The following CRK variants were observed in gnomAD, a reference collection of about 807,000 sequenced individuals.
The protein encoded by CRK is CRK proto-oncogene, adaptor protein.
CRK carries 4 observed loss-of-function variants against 29.8 expected under a neutral mutation model. The observed-to-expected ratio is 0.13, with a 90% CI of 0.07 to 0.31. The LOEUF is 0.31. Among genes scored for constraint, CRK ranks in the 10% least tolerant of loss-of-function variants. The pLI is 1.00. For missense variants in CRK, 274 were observed against 396.5 expected, an observed-to-expected ratio of 0.69 and a Z score of 2.62; for synonymous variants, 153 against 164.9, an observed-to-expected ratio of 0.93 and a Z score of 0.55.
intron 1 of CRK, among the ~76,000 whole-genome samples, chr17:1,438,045 G>A (rs1009118102): frequency 1.3e-5 from 2 of 152,034 alleles, no homozygotes; most frequent in Non-Finnish European, 2.9e-5. Flanking sequence ...AAGGTGGAGA[G>A]AGCTTGTGTC....
intron 1 of CRK, among the ~76,000 whole-genome samples, chr17:1,437,603 T>C (rs1598299042): frequency 6.6e-6 from 1 of 151,762 alleles, no homozygotes; most frequent in Non-Finnish European, 1.5e-5. Flanking sequence ...TCTCCAAATA[T>C]GTTCTGTCGC....
At chr17:1,433,569 A>G (rs2073863715) in intron 2 of CRK, among the ~76,000 whole-genome samples, 1 of 130,692 alleles carries the variant, frequency 7.7e-6, no homozygotes, top group East Asian at 2.2e-4. Flanking sequence ...CCCAGGCTGA[A>G]GTGCTATGGC....
rs1375340014 is a variant in CRK at position 1,437,693 on chromosome 17, G to A, written c.242-538C>T. Among the ~76,000 whole-genome samples, 6 of 150,530 alleles carry A rather than the reference G, an allele frequency of 4.0e-5. No individual in the cohort carries two copies. In the Admixed American group the frequency reaches 4.0e-4, roughly 10 times the overall value. ...TTTTGAGACCAAATCTCACTGTGTC[G>A]CCCAGGCTGGAGTGTAGTGGCGTGA... On this transcript the variant is annotated intron_variant, in intron 1 of 2. Transcript: ENST00000300574.
chr17:1,434,462 C>T (rs2073872224), intron 2 of CRK, among the ~76,000 whole-genome samples: 1 of 152,144 alleles, frequency 6.6e-6, no homozygotes, highest in African/African-American at 2.4e-5. Flanking sequence ...ACACATAGTA[C>T]ATATGTTTTA....
chr17:1,430,353 CTGATTA>C (rs1267106467), intron 2 of CRK, among the ~76,000 whole-genome samples: 1 of 149,618 alleles, frequency 6.7e-6, no homozygotes, highest in Non-Finnish European at 1.5e-5. Context: ...TGGGCTCATT[CTGATTA>C]TTAGTATTAT....
At chr17:1,451,356 C>T (rs559251474) in intron 1 of CRK, among the ~76,000 whole-genome samples, 31 of 151,794 alleles carry the variant, frequency 2.0e-4, no homozygotes, top group South Asian at 2.1e-4. Flanking sequence ...TTAGCCTCTC[C>T]AGCAGCTAGG....
rs2073834245 is a variant in CRK at position 1,430,618 on chromosome 17, G to GC, written c.777+6001dup. ...CTGACCTCGTGATCCGCCCGCCTTG[G>GC]CCTCCCAAAGTGCTGGGATTACAGG... On this transcript the variant is annotated intron_variant, in intron 2 of 2. Coordinates refer to ENST00000300574, the MANE Select transcript of CRK (RefSeq NM_016823.4). Among the ~76,000 whole-genome samples, 3 of 137,472 alleles carry GC rather than the reference G, an allele frequency of 2.2e-5. No individual in the cohort carries two copies. In the South Asian group the frequency reaches 7.2e-4, roughly 33 times the overall value. The allele number at this position is 137,472 out of a possible 152,430, so 90.2% of individuals were successfully genotyped here.
chr17:1,450,808 C>A (rs1425844661), intron 1 of CRK, among the ~76,000 whole-genome samples: 1 of 152,090 alleles, frequency 6.6e-6, no homozygotes, highest in Non-Finnish European at 1.5e-5. Flanking sequence ...ACTGCTTGAA[C>A]CCAGGAGGTG....
At chr17:1,430,118 C>T (rs2073824625) in intron 2 of CRK, among the ~76,000 whole-genome samples, 1 of 151,206 alleles carries the variant, frequency 6.6e-6, no homozygotes, top group Admixed American at 6.6e-5. Context: ...AATCTCAGCT[C>T]ACTGCAACCT....
At position 1,422,046 on chromosome 17, in the gene CRK, A is replaced by G. The variant is rs562786491; in HGVS notation, c.*1467T>C. 1.8e-4 allele frequency: 28 copies of G among 152,272 alleles called. No individual in the cohort carries two copies. Among genetic ancestry groups the G allele is most frequent in the African/African-American group, 6.5e-4 (27 of 41,582 alleles). 9.4% of individuals were successfully genotyped at this position (152,272 alleles called of 1,614,324 possible). A position where few individuals can be genotyped will look rare whatever the true frequency, so the allele number is the denominator to read the frequency against. ...AAACTAAACCTGAACATAAACAAAG[A>G]GCCAAAAATGAAGGCAGTTTACAAT... is the stretch of plus-strand genomic sequence containing the variant. On this transcript the variant is annotated 3_prime_UTR_variant, in exon 3 of 3. Coordinates refer to ENST00000300574, the MANE Select transcript of CRK (RefSeq NM_016823.4).
intron 1 of CRK, among the ~76,000 whole-genome samples, chr17:1,450,251 G>C (rs1180175798): frequency 6.6e-6 from 1 of 152,150 alleles, no homozygotes; most frequent in African/African-American, 2.4e-5. Flanking sequence ...GCTCAGGCCT[G>C]TAATCCCAGC....
intron 2 of CRK, among the ~76,000 whole-genome samples, chr17:1,432,388 T>G (rs1375418898): frequency 1.5e-5 from 2 of 134,218 alleles, no homozygotes; most frequent in African/African-American, 5.8e-5. Flanking sequence ...ACCCGGGAGG[T>G]TGAGGCACGA....
At chr17:1,430,833 C>T (rs182564909) in intron 2 of CRK, among the ~76,000 whole-genome samples, 4 of 151,168 alleles carry the variant, frequency 2.6e-5, no homozygotes, top group Non-Finnish European at 4.4e-5. Flanking sequence ...TTTGGGAGGC[C>T]GAGGTGGGTG....
chr17:1,436,397 G>C (rs1487248334), intron 2 of CRK, among the ~76,000 whole-genome samples: 1 of 152,154 alleles, frequency 6.6e-6, no homozygotes. Flanking sequence ...GTGTTTAGTA[G>C]ATCAATTAAG....
chr17:1,444,334 C>T (rs1395404673), intron 1 of CRK, among the ~76,000 whole-genome samples: 1 of 152,120 alleles, frequency 6.6e-6, no homozygotes. Flanking sequence ...TTAGAAACAT[C>T]CTGGCTAACA....
At chr17:1,427,776 C>G (rs1016353355) in intron 2 of CRK, among the ~76,000 whole-genome samples, 5 of 151,602 alleles carry the variant, frequency 3.3e-5, no homozygotes, top group African/African-American at 1.2e-4. Context: ...ACGACAAGCA[C>G]AAGCCACCAT....
intron 2 of CRK, among the ~76,000 whole-genome samples, chr17:1,426,969 T>C (rs1273711355): frequency 2.1e-5 from 3 of 142,082 alleles, no homozygotes; most frequent in Non-Finnish European, 3.0e-5. Flanking sequence ...GAGGCAGAGA[T>C]TGCAGTGAGC....
At chr17:1,440,855 G>T (rs529470031) in intron 1 of CRK, among the ~76,000 whole-genome samples, 1 of 152,192 alleles carries the variant, frequency 6.6e-6, no homozygotes, top group Non-Finnish European at 1.5e-5. Context: ...CGTGAGTCGT[G>T]ATCATGCCAC....
intron 1 of CRK, among the ~76,000 whole-genome samples, chr17:1,447,202 T>C (rs1023462757): frequency 8.6e-5 from 13 of 151,786 alleles, no homozygotes; most frequent in Non-Finnish European, 1.6e-4. Context: ...AGGCAGGAAA[T>C]AGAAGGGCGG....
Sources: allele counts gnomAD v4.1 joint callset (sites outside exome capture counted in the v4.1 genomes callset), GRCh38; gene constraint gnomAD v4.1.1; transcripts MANE v1.5; gene names NCBI Gene and HGNC (gene_info 2026-07-23, HGNC 2026-07-21).